Variants in ABCC12 observed in about 807,000 individuals in gnomAD.
ABCC12 encodes ATP-binding cassette sub-family C member 12.
A neutral mutation model predicts 151.1 loss-of-function variants in ABCC12; 142 were observed. The observed-to-expected ratio is 0.94, with a 90% CI of 0.82 to 1.08. ABCC12 has a LOEUF of 1.08. ABCC12 is among the 50% of genes least tolerant of loss of function. The pLI is 0.00. For missense variants in ABCC12, 1,638 were observed against 1,691.1 expected (o/e 0.97, Z 0.55); for synonymous variants, 645 against 646.4 (o/e 1.00, Z 0.03).
chr16:48,123,649 C>T (rs559942539), intron 12 of ABCC12, among the ~76,000 whole-genome samples: 45 of 152,206 alleles, frequency 3.0e-4, no homozygotes, highest in African/African-American at 1.0e-3. Flanking sequence ...ACTTAGAAAC[C>T]GTGGCAACAT....
At chr16:48,105,378 C>T in intron 20 of ABCC12, 42 bp from the exon 21 acceptor site, 4 of 1,547,340 alleles carry the variant, frequency 2.6e-6, no homozygotes, top group Non-Finnish European at 3.5e-6. Context: ...TTGATAAATT[C>T]CTGCCAGGAG....
intron 21 of ABCC12, 84 bp downstream of exon 21, chr16:48,105,055 A>C: frequency 6.6e-7 from 1 of 1,523,820 alleles, no homozygotes; most frequent in Non-Finnish European, 9.1e-7. Flanking sequence ...CCCAGAGCCC[A>C]GCACCATGCC....
In ABCC12 at chr16:48,133,732, T is replaced by C. The variant is rs1385600192; in HGVS notation, c.1083A>G (p.Thr361=). The change falls in exon 9 of 31, where the codon ACA becomes ACG. Residue 361 remains threonine, a synonymous_variant. Transcript: ENST00000311303. The part of the protein sequence containing the change: ...PIVSTIAIVL[T]LSCHILLRRK... ...GTCTCAGGAGGATGTGGCAGGATAATGTCAGCACGATGGCTATGGTGGACA... is the reference window on the plus strand; with the variant it reads ...GTCTCAGGAGGATGTGGCAGGATAACGTCAGCACGATGGCTATGGTGGACA... The C allele has an allele frequency of 1.2e-6, 2 of 1,614,046 alleles. No homozygotes were observed. Among genetic ancestry groups the C allele is most frequent in the South Asian group, 1.1e-5 (1 of 91,076 alleles).
chr16:48,129,103 T>C (rs1245595396), intron 10 of ABCC12, among the ~76,000 whole-genome samples: 1 of 152,264 alleles, frequency 6.6e-6, no homozygotes, highest in East Asian at 1.9e-4. Context: ...CAGTCTCTGC[T>C]GTGTCCTCTT....
At chr16:48,087,833 A>C (rs566203271) in intron 27 of ABCC12, 93 bp downstream of exon 27, 224 of 1,391,694 alleles carry the variant, frequency 1.6e-4, no homozygotes, top group Non-Finnish European at 2.1e-4. Flanking sequence ...GAACAGCTCC[A>C]GGCCAGCCAT....
chr16:48,131,023 A>G, intron 9 of ABCC12, 128 bp from the exon 10 acceptor site: 1 of 643,894 alleles, frequency 1.6e-6, no homozygotes, highest in Admixed American at 2.5e-5. Flanking sequence ...GCAGAGGAAC[A>G]ATCTTTTCAT....
chr16:48,123,832 C>T (rs920553625), intron 12 of ABCC12, among the ~76,000 whole-genome samples: 4 of 152,220 alleles, frequency 2.6e-5, no homozygotes, highest in Non-Finnish European at 5.9e-5. Context: ...TCTATAGTCA[C>T]CATGAGCTCC....
chr16:48,121,715 C>G lies in ABCC12; in HGVS notation c.1712+1G>C. On this transcript the variant is annotated splice_donor_variant, in intron 13 of 30. Transcript: ENST00000311303. LOFTEE classifies it high-confidence loss of function. The stretch of plus-strand genomic sequence containing the variant: ...CCTCCTGCTTTAAAAGTTAATATTA[C>G]CTTTGGTGATCATACTTTTCTCCAA... 1 of 1,614,068 alleles carries G rather than the reference C, an allele frequency of 6.2e-7. No individual in the cohort carries two copies. Among genetic ancestry groups the G allele is most frequent in the Non-Finnish European group, 8.5e-7 (1 of 1,179,988 alleles).
intron 8 of ABCC12, among the ~76,000 whole-genome samples, chr16:48,137,625 G>A (rs1056469889): frequency 1.8e-4 from 27 of 152,208 alleles, no homozygotes; most frequent in African/African-American, 6.5e-4. Context: ...CATCCAGACA[G>A]TCAATTGTAA....
At chr16:48,117,497 GGTAGC>G (rs1963925854) in intron 13 of ABCC12, among the ~76,000 whole-genome samples, 164 bp from the exon 14 acceptor site, 1 of 152,208 alleles carries the variant, frequency 6.6e-6, no homozygotes, top group African/African-American at 2.4e-5. Flanking sequence ...ATGACCCAAG[GGTAGC>G]GTCCCAGTGA....
intron 8 of ABCC12, among the ~76,000 whole-genome samples, chr16:48,134,835 G>A (rs202166120): frequency 6.6e-6 from 1 of 151,976 alleles, no homozygotes; most frequent in Non-Finnish European, 1.5e-5. Flanking sequence ...GGTGGATCAC[G>A]AGGTCAGGAG....
intron 4 of ABCC12, among the ~76,000 whole-genome samples, chr16:48,143,404 A>G (rs1964886834): frequency 6.6e-6 from 1 of 152,202 alleles, no homozygotes; most frequent in African/African-American, 2.4e-5. Context: ...ATCTCAGAGA[A>G]TGGTTACCAA....
intron 12 of ABCC12, among the ~76,000 whole-genome samples, chr16:48,122,749 T>C (rs1481917689): frequency 3.3e-5 from 5 of 152,224 alleles, no homozygotes; most frequent in Admixed American, 2.6e-4. Flanking sequence ...ATAATAATTG[T>C]AGTATTTTTA....
chr16:48,104,382 TAG>T lies in ABCC12; in HGVS notation c.2674-16_2674-15del, dbSNP rs1158945758. On this transcript the variant is annotated splice_polypyrimidine_tract_variant and intron_variant, in intron 21 of 30. Coordinates refer to ENST00000311303, the MANE Select transcript of ABCC12 (RefSeq NM_001393797.1). ...GCTCTTTAAGATCTGTGGAGAATGG[TAG>T]AGAGTCAAACAGAGTCGAGATGCGT... The T allele has an allele frequency of 9.9e-6, 16 of 1,611,830 alleles. No individual in the cohort carries two copies. Among genetic ancestry groups the T allele is most frequent in the African/African-American group, 1.3e-5 (1 of 74,830 alleles).
chr16:48,108,499 G>A lies in ABCC12; in HGVS notation c.2312C>T (p.Ser771Phe). ...CCAGGTCACGGTTCCTTCCTGGGGG[G>A]ATTCAGTCTGGATGAGCTGGTGCTC... Reference protein sequence around the residue: ...VPEHQLIQTESPQEGTVTWKT... With the variant: ...VPEHQLIQTEFPQEGTVTWKT... Residue 771 changes from serine to phenylalanine, a missense_variant, in exon 19 of 31, where the codon TCC becomes TTC. By Grantham distance (155) the Ser-to-Phe change is radical (BLOSUM62 -2). Transcript: ENST00000311303. The A allele has an allele frequency of 2.5e-6, 4 of 1,614,138 alleles. No individual in the cohort carries two copies. The highest frequency in any genetic ancestry group is 3.4e-6 in the Non-Finnish European group (4 of 1,180,016).
intron 29 of ABCC12, among the ~76,000 whole-genome samples, 186 bp downstream of exon 29, chr16:48,085,407 G>A (rs947963570): frequency 7.2e-5 from 11 of 152,130 alleles, no homozygotes; most frequent in Non-Finnish European, 1.5e-4. Flanking sequence ...TGCTCTTGCT[G>A]TAAATGGCTG....
intron 12 of ABCC12, among the ~76,000 whole-genome samples, chr16:48,123,329 C>A (rs1964133944): frequency 6.6e-6 from 1 of 152,126 alleles, no homozygotes. Context: ...GAGGCACACA[C>A]TCTCAGAGCG....
chr16:48,090,598 T>C (rs540379056), intron 25 of ABCC12, among the ~76,000 whole-genome samples: 2 of 152,194 alleles, frequency 1.3e-5, no homozygotes, highest in South Asian at 2.1e-4. Flanking sequence ...TTTCTGTGTA[T>C]CAAAACAGCC....
At chr16:48,093,513 C>T (rs570788142) in intron 24 of ABCC12, among the ~76,000 whole-genome samples, 1 of 152,340 alleles carries the variant, frequency 6.6e-6, no homozygotes, top group Non-Finnish European at 1.5e-5. Flanking sequence ...CATTCCTCCA[C>T]TCGTTGTCTT....
Sources: gnomAD v4.1 joint callset for allele counts (sites outside exome capture counted in the v4.1 genomes callset) on GRCh38, gnomAD v4.1.1 for gene constraint, MANE v1.5 for transcripts, NCBI Gene and HGNC (gene_info 2026-07-23, HGNC 2026-07-21) for gene names.